Variants in SLC2A5 observed in about 807,000 individuals in gnomAD.
The protein encoded by SLC2A5 is solute carrier family 2, facilitated glucose transporter member 5.
Under a neutral mutation model 50.3 loss-of-function variants are expected in SLC2A5, and 56 were observed. The ratio of observed to expected loss-of-function variants is 1.11; its 90% CI spans 0.90 to 1.39. SLC2A5 has a LOEUF of 1.39. SLC2A5 is among the 40% of genes most tolerant of loss of function. The pLI is 0.00. For synonymous variants in SLC2A5, 269 were observed against 281.9 expected, an observed-to-expected ratio of 0.95 and a Z score of 0.46; for missense variants, 566 against 650.1, an observed-to-expected ratio of 0.87 and a Z score of 1.41.
At chr1:9,067,348 A>G (rs922409720) in intron 1 of SLC2A5, among the ~76,000 whole-genome samples, 5 of 152,072 alleles carry the variant, frequency 3.3e-5, no homozygotes, top group African/African-American at 1.2e-4. Context: ...TGGAGGGCTG[A>G]GGCAGCAGGC....
intron 1 of SLC2A5, among the ~76,000 whole-genome samples, chr1:9,063,880 A>G (rs1642013485): frequency 7.0e-6 from 1 of 143,764 alleles, no homozygotes; most frequent in Non-Finnish European, 1.5e-5. Context: ...TATTTTTAGT[A>G]GAGACGGGGT....
At chr1:9,053,231 ATATATTTATATAT>A (rs1641641755) in intron 3 of SLC2A5, among the ~76,000 whole-genome samples, 2 of 64,218 alleles carry the variant, frequency 3.1e-5, no homozygotes, top group African/African-American at 6.7e-5. Flanking sequence ...TATTTATATT[ATATATTTATATAT>A]TATATTTATA....
intron 11 of SLC2A5, 38 bp from the exon 12 acceptor site, chr1:9,037,827 G>C (rs1221458623): frequency 3.7e-6 from 6 of 1,613,912 alleles, no homozygotes; most frequent in Non-Finnish European, 4.2e-6. Context: ...GTGGGACGTG[G>C]TTTGCCCAGG....
At chr1:9,081,464 C>T (rs1353666081) in intron 2 of SLC2A5, among the ~76,000 whole-genome samples, 6 of 110,186 alleles carry the variant, frequency 5.4e-5, no homozygotes, top group Admixed American at 2.1e-4. Flanking sequence ...TAGACTCCTT[C>T]TCTTAAAAAA....
At chr1:9,069,886 A>G (rs770041), upstream of SLC2A5, 146,663 of 204,942 alleles carry the variant, frequency 0.72, 53,878 homozygotes, top group East Asian at 0.96. Context: ...TCAGGAACGC[A>G]TGGCAAACAA....
chr1:9,042,330 G>A (rs1360656826), intron 4 of SLC2A5, among the ~76,000 whole-genome samples: 1 of 152,164 alleles, frequency 6.6e-6, no homozygotes, highest in Non-Finnish European at 1.5e-5. Flanking sequence ...GCTAAGTGGG[G>A]AGGATAGATT....
intron 1 of SLC2A5, among the ~76,000 whole-genome samples, chr1:9,066,919 G>A (rs77739871): frequency 0.072 from 10,922 of 151,382 alleles, 556 homozygotes; most frequent in Middle Eastern, 0.16. Context: ...TCAAGGCCGC[G>A]GTGAGCTATG....
At chr1:9,064,279 A>C (rs1642026190) in intron 1 of SLC2A5, among the ~76,000 whole-genome samples, 1 of 152,008 alleles carries the variant, frequency 6.6e-6, no homozygotes, top group Admixed American at 6.6e-5. Context: ...GAACAAAAAG[A>C]ATTTGGTACT....
At chr1:9,080,297 C>A (rs1642337956) in intron 2 of SLC2A5, among the ~76,000 whole-genome samples, 2 of 152,142 alleles carry the variant, frequency 1.3e-5, no homozygotes, top group Admixed American at 6.5e-5. Context: ...CTCGCTGAGC[C>A]CCCGTTTTCA....
chr1:9,053,285 TTG>T (rs1199382239), intron 3 of SLC2A5, among the ~76,000 whole-genome samples: 41 of 10,422 alleles, frequency 3.9e-3, no homozygotes, highest in East Asian at 0.032. Flanking sequence ...TATTTATATA[TTG>T]TATATTTATA....
At chr1:9,055,399 C>G (rs1022687552) in intron 3 of SLC2A5, among the ~76,000 whole-genome samples, 1 of 152,086 alleles carries the variant, frequency 6.6e-6, no homozygotes, top group African/African-American at 2.4e-5. Context: ...CGCCTGTAAT[C>G]CCAGCTACTT....
At chr1:9,049,703 GAAA>G (rs35784062) in intron 3 of SLC2A5, among the ~76,000 whole-genome samples, 4 of 136,502 alleles carry the variant, frequency 2.9e-5, no homozygotes, top group African/African-American at 8.0e-5. Flanking sequence ...TCTGTCTAAA[GAAA>G]AAAAAAAAAA....
At chr1:9,059,125 C>T (rs950786471) in intron 1 of SLC2A5, among the ~76,000 whole-genome samples, 4 of 146,664 alleles carry the variant, frequency 2.7e-5, no homozygotes, top group South Asian at 2.1e-4. Flanking sequence ...GATGGACAGC[C>T]GCCTTTCTTT....
chr1:9,039,876 C>G lies in SLC2A5; in HGVS notation c.809G>C (p.Arg270Pro), dbSNP rs1417910962. The G allele has an allele frequency of 1.2e-6, 2 of 1,612,546 alleles. No individual in the cohort carries two copies. Among genetic ancestry groups the G allele is most frequent in the Non-Finnish European group, 8.5e-7 (1 of 1,179,764 alleles). ...CAGCTGCCAGCGCAGCGAGCGCATC[C>G]GGAACAGCTTCAGCACGGAGATGAA... ...AGFISVLKLF[R>P]MRSLRWQLLS... Residue 270 changes from arginine to proline, a missense_variant, in exon 7 of 12, where the codon CGG becomes CCG. By Grantham distance (103) the Arg-to-Pro change is moderately radical (BLOSUM62 -2). Coordinates refer to ENST00000377424, the MANE Select transcript of SLC2A5 (RefSeq NM_003039.3).
chr1:9,039,055 C>T, intron 8 of SLC2A5, 126 bp from the exon 9 acceptor site: 1 of 1,123,970 alleles, frequency 8.9e-7, no homozygotes, highest in Middle Eastern at 2.9e-4. Context: ...CGCACACTCA[C>T]ATTCACATGT....
At chr1:9,039,137 T>C (rs564577988) in intron 8 of SLC2A5, among the ~76,000 whole-genome samples, 3 of 152,346 alleles carry the variant, frequency 2.0e-5, no homozygotes, top group Non-Finnish European at 2.9e-5. Context: ...CTGCCCACCC[T>C]TGAGACTCAG....
intron 3 of SLC2A5, among the ~76,000 whole-genome samples, chr1:9,052,254 A>C (rs1228385108): frequency 6.6e-6 from 1 of 152,210 alleles, no homozygotes. Context: ...TCTGCACTCC[A>C]GCCTGGGTGA....
At chr1:9,046,665 C>CGTGTGT (rs55827239) in intron 4 of SLC2A5, among the ~76,000 whole-genome samples, 198 of 147,336 alleles carry the variant, frequency 1.3e-3, no homozygotes, top group African/African-American at 1.4e-3. Flanking sequence ...ACCTGGTTCT[C>CGTGTGT]GTGTGTGTGT....
In SLC2A5 at chr1:9,038,438, G is replaced by A. The variant is rs12564676; in HGVS notation, c.1167C>T (p.Leu389=). Residue 389 remains leucine (L), a synonymous_variant, in exon 10 of 12, where the codon CTC becomes CTT. Transcript: ENST00000377424. ...CCAGCTTTGGGTACGTACTGGGCCC[G>A]AGGGCATGTCCTATGACGTAGGAGA... ...CVISYVIGHA[L]GPSPIPALLI... is the part of the protein sequence containing the mutation. The A allele has an allele frequency of 8.9e-5, 143 of 1,612,468 alleles. No individual in the cohort carries two copies. The East Asian group carries it at 2.6e-3, about 30-fold the overall frequency.
Sources: allele counts gnomAD v4.1 joint callset (sites outside exome capture counted in the v4.1 genomes callset), GRCh38; gene constraint gnomAD v4.1.1; transcripts MANE v1.5; gene names NCBI Gene and HGNC (gene_info 2026-07-23, HGNC 2026-07-21).